IL13RA1: variants seen among roughly 807,000 people sequenced by gnomAD.
The protein encoded by IL13RA1 is interleukin-13 receptor subunit alpha-1.
In IL13RA1, 14 loss-of-function variants were observed where a neutral mutation model predicts 33.8. That is an observed-to-expected ratio of 0.41 (90% CI 0.27 to 0.65). IL13RA1 has a LOEUF of 0.65. Ranked by LOEUF, IL13RA1 falls within the 30% of genes least tolerant of loss-of-function variation. The pLI, the probability that IL13RA1 is intolerant of heterozygous loss-of-function variation, is 0.28. For synonymous variants in IL13RA1, 116 were observed against 115.7 expected (o/e 1.00, Z -0.02); for missense variants, 313 against 327.0 (o/e 0.96, Z 0.33).
At chrX:118,754,952 CT>C (rs1250580807) in intron 4 of IL13RA1, among the ~76,000 whole-genome samples, 162 of 78,797 alleles carry the variant, frequency 2.1e-3, no homozygotes, top group East Asian at 6.1e-3. Context: ...TTTTTTTTTT[CT>C]TTTTTTTTTT....
intron 10 of IL13RA1, among the ~76,000 whole-genome samples, chrX:118,783,413 G>A (rs999891843): frequency 9.0e-6 from 1 of 111,550 alleles, no homozygotes; most frequent in Non-Finnish European, 1.9e-5. Flanking sequence ...TTTAAAATTA[G>A]ACAGGCATAT....
chrX:118,777,644 G>C (rs2017800767), intron 10 of IL13RA1, among the ~76,000 whole-genome samples: 2 of 111,310 alleles, frequency 1.8e-5, no homozygotes, highest in Admixed American at 9.6e-5. Flanking sequence ...TTCTTGGAAG[G>C]CTAGACTCCA....
chrX:118,768,983 C>T (rs1349496227), intron 8 of IL13RA1, among the ~76,000 whole-genome samples: 1 of 112,570 alleles, frequency 8.9e-6, no homozygotes, highest in South Asian at 3.6e-4. Context: ...AGGGCTACTT[C>T]CTGACATGGA....
intron 1 of IL13RA1, among the ~76,000 whole-genome samples, chrX:118,737,730 T>C (rs1323963788): frequency 1.8e-5 from 2 of 112,133 alleles, no homozygotes; most frequent in Non-Finnish European, 3.8e-5. Context: ...TAAATTACCT[T>C]GAAAATAAAT....
At chrX:118,770,236 TG>T (rs2017699110) in intron 8 of IL13RA1, 1 of 307,823 alleles carries the variant, frequency 3.2e-6, no homozygotes, top group African/African-American at 2.6e-5. Flanking sequence ...GTGCACCCAC[TG>T]CGCCGCCTGC....
chrX:118,744,290 TA>T lies in IL13RA1; in HGVS notation c.229-2655del, dbSNP rs768582890. ...GTTTACCTTGAACTTTGAAAGAAAT[TA>T]AAAAAAAATTATTTGAAAAAATTTT... On this transcript the variant is annotated intron_variant, in intron 2 of 10. Coordinates refer to ENST00000371666, the MANE Select transcript of IL13RA1 (RefSeq NM_001560.3). Among the ~76,000 whole-genome samples, 45 of 111,592 alleles carry T rather than the reference TA, an allele frequency of 4.0e-4. 1 individual carries two copies. The East Asian group carries it at 7.5e-3, about 19-fold the overall frequency.
intron 10 of IL13RA1, among the ~76,000 whole-genome samples, chrX:118,784,139 A>ATATACACGTATATATG (rs1569459449): frequency 5.0e-5 from 3 of 59,993 alleles, no homozygotes; most frequent in African/African-American, 2.7e-4. Flanking sequence ...GTATATATAT[A>ATATACACGTATATATG]TATATATACG....
intron 10 of IL13RA1, among the ~76,000 whole-genome samples, chrX:118,790,165 G>A (rs972827051): frequency 8.1e-5 from 9 of 111,463 alleles, no homozygotes; most frequent in African/African-American, 2.0e-4. Flanking sequence ...TCTGTTAATC[G>A]CCTTGCAAAC....
intron 10 of IL13RA1, among the ~76,000 whole-genome samples, chrX:118,785,182 C>T (rs958685729): frequency 1.8e-5 from 2 of 111,144 alleles, no homozygotes; most frequent in Non-Finnish European, 3.8e-5. Context: ...ATTGCAGACT[C>T]CAACATCTGG....
At chrX:118,787,624 C>CTGCATAAGGCA (rs1273572810) in intron 10 of IL13RA1, among the ~76,000 whole-genome samples, 2 of 111,758 alleles carry the variant, frequency 1.8e-5, no homozygotes, top group African/African-American at 6.5e-5. Context: ...CTATCTATGA[C>CTGCATAAGGCA]TGCATAAGGC....
chrX:118,764,042 A>T (rs1438274673), intron 6 of IL13RA1, among the ~76,000 whole-genome samples: 1 of 110,162 alleles, frequency 9.1e-6, no homozygotes, highest in Non-Finnish European at 1.9e-5. Context: ...TTTTTGAGGA[A>T]TTATTTTGCC....
chrX:118,804,394 T>TACACACACAC, the IL13RA1 span, among the ~76,000 whole-genome samples: 157 of 89,707 alleles, frequency 1.8e-3, 3 homozygotes, highest in East Asian at 0.011. Context: ...CAGCCATGCA[T>TACACACACAC]ACACACACAC....
chrX:118,778,279 G>C (rs920080942), intron 10 of IL13RA1, among the ~76,000 whole-genome samples: 6 of 111,862 alleles, frequency 5.4e-5, no homozygotes, highest in Non-Finnish European at 1.1e-4. Context: ...GGAAGGCAGA[G>C]AGGCAAATAT....
chrX:118,767,346 G>T (rs1279468636), intron 8 of IL13RA1, among the ~76,000 whole-genome samples: 1 of 111,397 alleles, frequency 9.0e-6, no homozygotes, highest in Non-Finnish European at 1.9e-5. Context: ...TTGGAGACCA[G>T]CCTGAGCAAC....
At chrX:118,733,215 A>C (rs986678138) in intron 1 of IL13RA1, among the ~76,000 whole-genome samples, 4 of 111,906 alleles carry the variant, frequency 3.6e-5, no homozygotes, top group Non-Finnish European at 5.6e-5. Flanking sequence ...TTTTTGAGGA[A>C]CCACCATACT....
intron 1 of IL13RA1, among the ~76,000 whole-genome samples, chrX:118,730,780 C>T (rs776089117): frequency 8.9e-6 from 1 of 112,095 alleles, no homozygotes; most frequent in African/African-American, 3.2e-5. Flanking sequence ...CCCTTCCTGT[C>T]CAGGACCATG....
At chrX:118,731,923 T>A (rs1016860458) in intron 1 of IL13RA1, among the ~76,000 whole-genome samples, 3 of 112,071 alleles carry the variant, frequency 2.7e-5, no homozygotes, top group African/African-American at 9.7e-5. Context: ...AGTAGTATAA[T>A]CATCACTTAA....
chrX:118,744,313 T>A (rs956919767), intron 2 of IL13RA1, among the ~76,000 whole-genome samples: 46 of 111,694 alleles, frequency 4.1e-4, no homozygotes, highest in Non-Finnish European at 3.6e-4. Flanking sequence ...TTTGAAAAAA[T>A]TTTCCCTCTA....
chrX:118,730,705 C>T (rs998550049), intron 1 of IL13RA1, among the ~76,000 whole-genome samples: 1 of 111,619 alleles, frequency 9.0e-6, no homozygotes, highest in Admixed American at 9.5e-5. Context: ...TAGGGGAGCC[C>T]CTGGAGTGTG....
Sources: allele counts gnomAD v4.1 joint callset (sites outside exome capture counted in the v4.1 genomes callset), GRCh38; gene constraint gnomAD v4.1.1; transcripts MANE v1.5; gene names NCBI Gene and HGNC (gene_info 2026-07-23, HGNC 2026-07-21).